BPTF: variants seen among roughly 807,000 people sequenced by gnomAD.
BPTF encodes the protein bromodomain PHD finger transcription factor.
Under a neutral mutation model 292.5 loss-of-function variants are expected in BPTF, and 18 were observed. The observed-to-expected ratio is 0.06, with a 90% CI of 0.04 to 0.09. The LOEUF is 0.09. Among genes scored for constraint, BPTF ranks in the 10% least tolerant of loss-of-function variants. BPTF has a pLI of 1.00. For synonymous variants in BPTF, 1,225 were observed against 1,251.9 expected, an observed-to-expected ratio of 0.98 and a Z score of 0.45; for missense variants, 2,726 against 3,498.7, an observed-to-expected ratio of 0.78 and a Z score of 5.57.
intron 14 of BPTF, 66 bp downstream of exon 14, chr17:67,923,056 C>CT (rs1204420514): frequency 0.11 from 135,213 of 1,191,652 alleles, 768 homozygotes; most frequent in African/African-American, 0.21. Context: ...CAATAAATTA[C>CT]TTTTTTTTTT....
chr17:67,886,373 T>TG, intron 4 of BPTF: 1 of 1,289,752 alleles, frequency 7.8e-7, no homozygotes, highest in Middle Eastern at 2.4e-4. Flanking sequence ...TTTTTCTTTT[T>TG]TTTGTGTGTG....
At chr17:67,846,948 G>A (rs191178947) in intron 1 of BPTF, among the ~76,000 whole-genome samples, 73 of 152,052 alleles carry the variant, frequency 4.8e-4, no homozygotes, top group African/African-American at 1.7e-3. Context: ...TGATCCACCC[G>A]CCTTGGCCTC....
intron 1 of BPTF, among the ~76,000 whole-genome samples, chr17:67,836,130 A>G (rs1382200852): frequency 6.6e-6 from 1 of 152,218 alleles, no homozygotes; most frequent in Non-Finnish European, 1.5e-5. Flanking sequence ...AGATGTTAGT[A>G]TGTCCTAGTG....
rs779840035 is a variant in BPTF at position 67,911,681 on chromosome 17, C to G, written c.3797C>G (p.Ala1266Gly). 6.2e-7 allele frequency: 1 copy of G among 1,614,112 alleles called. No individual in the cohort carries two copies. The highest frequency in any genetic ancestry group is 1.1e-5 in the South Asian group (1 of 91,062). Residue 1266 changes from alanine (A) to glycine (G), a missense_variant, in exon 11 of 28, where the codon GCC (alanine) becomes GGC (glycine). Physicochemically the swap from Ala to Gly is moderately conservative, Grantham distance 60. Around this residue, in one of 22 missense-constraint regions of BPTF, gnomAD observed 713 missense variants for 714.9 expected, o/e 1.00. Transcript: ENST00000306378. ...SVPKSTNDRD[A>G]TPLSRAMDFE... The stretch of plus-strand genomic sequence containing the variant: ...CCTAAAAGTACCAATGACAGAGATG[C>G]CACACCTCTGTCAAGAGCAATGGAC...
chr17:67,949,736 A>T (rs1691703022), intron 23 of BPTF, among the ~76,000 whole-genome samples: 1 of 151,886 alleles, frequency 6.6e-6, no homozygotes, highest in African/African-American at 2.4e-5. Flanking sequence ...ATAATTACAC[A>T]GCTTTTTTAA....
intron 7 of BPTF, among the ~76,000 whole-genome samples, chr17:67,898,824 C>T (rs764327112): frequency 2.3e-4 from 34 of 150,530 alleles, no homozygotes; most frequent in South Asian, 4.2e-4. Flanking sequence ...TGGGCAACCA[C>T]GTCAGGAGAA....
chr17:67,830,896 C>T (rs1194396378), intron 1 of BPTF, among the ~76,000 whole-genome samples: 1 of 152,178 alleles, frequency 6.6e-6, no homozygotes, highest in African/African-American at 2.4e-5. Context: ...ATGTTGTATT[C>T]CCAGCAGCAC....
rs531159984 is a variant in BPTF at position 67,907,512 on chromosome 17, C to T, written c.2813-2070C>T. Reference sequence around the variant, plus strand: ...CTGGGATTACAAGTACCCGCCACCACGCCGAGCTAATTTTTGTATTTTTAA... The same window carrying T: ...CTGGGATTACAAGTACCCGCCACCATGCCGAGCTAATTTTTGTATTTTTAA... On this transcript the variant is annotated intron_variant, in intron 9 of 27. Transcript: ENST00000306378. 2.1e-4 allele frequency among the ~76,000 whole-genome samples: 32 copies of T among 152,014 alleles called. No homozygotes were observed. In the South Asian group the frequency reaches 5.8e-3, roughly 28 times the overall value.
intron 25 of BPTF, chr17:67,965,044 T>C (rs1207009786): frequency 2.3e-5 from 3 of 130,628 alleles, no homozygotes; most frequent in Non-Finnish European, 5.0e-5. Context: ...CTTTTCCTTA[T>C]GAAAAACAAA....
chr17:67,878,379 C>T (rs9913471), intron 4 of BPTF, among the ~76,000 whole-genome samples: 46,350 of 152,044 alleles, frequency 0.3, 8,411 homozygotes, highest in East Asian at 0.66. Context: ...TGTGCACATA[C>T]ATGTGCATTT....
At chr17:67,920,609 C>T (rs2063368422) in intron 13 of BPTF, among the ~76,000 whole-genome samples, 1 of 152,166 alleles carries the variant, frequency 6.6e-6, no homozygotes, top group Non-Finnish European at 1.5e-5. Context: ...AGCACCAGTA[C>T]AATAGGCACT....
chr17:67,946,149 G>A lies in BPTF; in HGVS notation c.7441G>A (p.Val2481Met). ...TATCCAAATTCAGCAAAGCAGTGCTGTGCAGACTCACCAGATTCAGAATGT... is the reference window on the plus strand; with the variant it reads ...TATCCAAATTCAGCAAAGCAGTGCTATGCAGACTCACCAGATTCAGAATGT... ...LPIQIQQSSA[V>M]QTHQIQNVVT... is the part of the protein sequence containing the mutation. The change falls in exon 21 of 28, where the codon GTG becomes ATG. Residue 2481 changes from valine to methionine, a missense_variant. Val to Met is a conservative substitution (Grantham distance 21). Coordinates refer to ENST00000306378, the MANE Select transcript of BPTF (RefSeq NM_182641.4). The A allele has an allele frequency of 5.0e-6, 8 of 1,614,178 alleles. No individual in the cohort carries two copies. The highest frequency in any genetic ancestry group is 5.9e-6 in the Non-Finnish European group (7 of 1,180,036).
rs2065768789 is a variant in BPTF at position 67,945,827 on chromosome 17, A to G, written c.7119A>G (p.Gln2373=). Residue 2373 remains glutamine, a synonymous_variant, in exon 21 of 28, where the codon CAA becomes CAG. Transcript: ENST00000306378. ...CCCAGGTTCAGACTACAACCTCACA[A>G]CCGATTCCAATTCAACCACATACAT... ...QQSQVQTTTS[Q]PIPIQPHTSL... is the part of the protein sequence containing the mutation. The G allele has an allele frequency of 6.2e-7, 1 of 1,613,898 alleles. No individual in the cohort carries two copies. Among genetic ancestry groups the G allele is most frequent in the Non-Finnish European group, 8.5e-7 (1 of 1,179,982 alleles).
At chr17:67,942,389 A>T (rs2065448731) in intron 19 of BPTF, among the ~76,000 whole-genome samples, 1 of 152,184 alleles carries the variant, frequency 6.6e-6, no homozygotes, top group South Asian at 2.1e-4. Context: ...ATTCCAAAAA[A>T]CTGCTGAACT....
rs2063048571 is a variant in BPTF, at chr17:67,916,957, GA to G, written c.5304-1755del. Among the ~76,000 whole-genome samples, 4 of 152,002 alleles carry G rather than the reference GA, an allele frequency of 2.6e-5. No individual in the cohort carries two copies. The South Asian group carries it at 8.3e-4, about 31-fold the overall frequency. ...ATTCAGTTACACAAAGATATATAGT[GA>G]ATTCCATTTTAGGACATGATATTTA... On this transcript the variant is annotated intron_variant, in intron 11 of 27. Coordinates refer to ENST00000306378, the MANE Select transcript of BPTF (RefSeq NM_182641.4).
At chr17:67,935,501 A>T (rs2147681379) in intron 18 of BPTF, among the ~76,000 whole-genome samples, 1 of 152,286 alleles carries the variant, frequency 6.6e-6, no homozygotes, top group East Asian at 1.9e-4. Context: ...AACAGAAAAG[A>T]CCAAAAAAAT....
chr17:67,924,400 C>T, intron 14 of BPTF, 147 bp from the exon 15 acceptor site: 1 of 813,544 alleles, frequency 1.2e-6, no homozygotes, highest in Non-Finnish European at 1.9e-6. Flanking sequence ...CAGGCATGAG[C>T]CACCTCGCAC....
At chr17:67,851,229 C>A (rs1469409528) in intron 1 of BPTF, among the ~76,000 whole-genome samples, 2 of 150,408 alleles carry the variant, frequency 1.3e-5, no homozygotes, top group African/African-American at 4.9e-5. Context: ...CGTGACTGGG[C>A]TCAAGGAACA....
chr17:67,940,683 T>A, intron 19 of BPTF, 27 bp downstream of exon 19: 1 of 1,586,230 alleles, frequency 6.3e-7, no homozygotes, highest in Non-Finnish European at 8.6e-7. Flanking sequence ...TTATTTTAAC[T>A]TTAGAGGTGA....
Sources: gnomAD v4.1 joint callset for allele counts (sites outside exome capture counted in the v4.1 genomes callset) on GRCh38, gnomAD v4.1.1 for gene constraint, gnomAD v4.1.1 regional missense constraint, MANE v1.5 for transcripts, NCBI Gene and HGNC (gene_info 2026-07-23, HGNC 2026-07-21) for gene names.